BANK1: variants seen among roughly 807,000 people sequenced by gnomAD.
The protein encoded by BANK1 is B cell scaffold protein with ankyrin repeats 1.
BANK1 carries 95 observed loss-of-function variants against 94.5 expected under a neutral mutation model. That is an observed-to-expected ratio of 1.00 (90% CI 0.85 to 1.19). The LOEUF is 1.19. Among genes scored for constraint, BANK1 ranks in the 50% most tolerant of loss-of-function variants. The probability of loss-of-function intolerance (pLI) is 0.00; values close to 1 mark genes in which losing one functional copy is unlikely to be tolerated. For missense variants in BANK1, 987 were observed against 932.2 expected (o/e 1.06, Z -0.77); for synonymous variants, 334 against 308.4 (o/e 1.08, Z -0.87).
chr4:101,819,139 C>A (rs1400143342), intron 1 of BANK1, among the ~76,000 whole-genome samples: 1 of 151,966 alleles, frequency 6.6e-6, no homozygotes, highest in African/African-American at 2.4e-5. Flanking sequence ...TATAAATTCC[C>A]AAAAAATACC....
Position 101,829,886 on chromosome 4 carries a change from A to C in BANK1, c.149A>C (p.His50Pro), listed in dbSNP as rs746650837. The C allele has an allele frequency of 1.9e-6, 3 of 1,613,052 alleles. No homozygotes were observed. In the Admixed American group the frequency reaches 5.0e-5, roughly 27 times the overall value. The change falls in exon 2 of 17, where the codon CAT (histidine) becomes CCT (proline). Residue 50 changes from histidine to proline, a missense_variant. Physicochemically the swap from His to Pro is moderately conservative, Grantham distance 77 (BLOSUM62 -2). Transcript: ENST00000322953. ...CTGTACTTGACAGAAGTATTTTTAC[A>C]TGTTGTGAAAAGGGAAGCCATCCTG... The part of the protein sequence containing the change: ...WALYLTEVFL[H>P]VVKREAILLY...
At chr4:101,796,299 C>A (rs1470889324) in intron 1 of BANK1, among the ~76,000 whole-genome samples, 1 of 152,108 alleles carries the variant, frequency 6.6e-6, no homozygotes, top group Non-Finnish European at 1.5e-5. Context: ...TTTCTCCTTA[C>A]ATGAACTACT....
intron 7 of BANK1, among the ~76,000 whole-genome samples, chr4:102,017,096 T>C (rs1726728316): frequency 3.9e-5 from 6 of 152,224 alleles, no homozygotes; most frequent in Admixed American, 3.9e-4. Flanking sequence ...GTTTTAATAT[T>C]ATATCACTGT....
intron 3 of BANK1, among the ~76,000 whole-genome samples, chr4:101,855,529 G>A (rs986683481): frequency 6.6e-6 from 1 of 152,076 alleles, no homozygotes; most frequent in Non-Finnish European, 1.5e-5. Context: ...GAATTAATAG[G>A]CATTTGTTAC....
At chr4:102,007,119 A>ATT (rs1483958311) in intron 7 of BANK1, among the ~76,000 whole-genome samples, 1 of 39,684 alleles carries the variant, frequency 2.5e-5, no homozygotes, top group Non-Finnish European at 6.0e-5. Context: ...ATAAATATAT[A>ATT]TTTTATATAT....
intron 2 of BANK1, among the ~76,000 whole-genome samples, chr4:101,831,940 A>C (rs1185084103): frequency 6.6e-6 from 1 of 152,208 alleles, no homozygotes; most frequent in Non-Finnish European, 1.5e-5. Context: ...GATCCTCTGA[A>C]GCCTCCACTA....
chr4:101,886,359 G>A (rs969642429), intron 5 of BANK1, among the ~76,000 whole-genome samples: 3 of 152,166 alleles, frequency 2.0e-5, no homozygotes, highest in Non-Finnish European at 4.4e-5. Context: ...GGAAGGGCCA[G>A]AAAGGAAAGA....
At chr4:101,902,367 A>G (rs2148893849) in intron 6 of BANK1, among the ~76,000 whole-genome samples, 1 of 152,348 alleles carries the variant, frequency 6.6e-6, no homozygotes, top group Middle Eastern at 3.4e-3. Context: ...CTGTTTTTCT[A>G]AAAATGCTAT....
rs375338963 is a variant in BANK1, at chr4:101,791,044, G to GCACTGAGGCCAGGGCGT, written c.70+96_70+112dup. On this transcript the variant is annotated intron_variant, in intron 1 of 16. Coordinates refer to ENST00000322953, the MANE Select transcript of BANK1 (RefSeq NM_017935.5). ...GCCATCGTTAGACAACTGCACTCGG[G>GCACTGAGGCCAGGGCGT]CACTGAGGCCAGGGCGTCCCTGAGA... 1.6e-3 allele frequency: 1,682 copies of GCACTGAGGCCAGGGCGT among 1,031,464 alleles called. 17 individuals are homozygous for GCACTGAGGCCAGGGCGT. The African/African-American group carries it at 0.026, about 16-fold the overall frequency. 63.9% of individuals were successfully genotyped at this position (1,031,464 alleles called of 1,614,324 possible).
chr4:101,805,976 A>C (rs1033373482), intron 1 of BANK1, among the ~76,000 whole-genome samples: 1 of 152,064 alleles, frequency 6.6e-6, no homozygotes, highest in African/African-American at 2.4e-5. Flanking sequence ...TATTTAGTGA[A>C]CTATAATATC....
chr4:101,900,770 A>C (rs545428587), intron 6 of BANK1, among the ~76,000 whole-genome samples: 3 of 152,310 alleles, frequency 2.0e-5, no homozygotes, highest in African/African-American at 7.2e-5. Flanking sequence ...GGCTATGTTA[A>C]TTAAAAGATA....
In BANK1 at chr4:101,870,524, C is replaced by G. The variant is rs1240340640; in HGVS notation, c.783C>G (p.Val261=). 3 of 1,612,170 alleles carry G rather than the reference C, an allele frequency of 1.9e-6. No homozygotes were observed. In the Admixed American group the frequency reaches 5.0e-5, roughly 27 times the overall value. Residue 261 remains valine (V), a synonymous_variant, in exon 5 of 17, where the codon GTC becomes GTG. Coordinates refer to ENST00000322953, the MANE Select transcript of BANK1 (RefSeq NM_017935.5). ...MKALEFPAGS[V]HVNVYCDGIV... ...CATAAGAGTTTCCTGCTGGTTCAGT[C>G]CATGTCAATGTCTACTGTGATGGAA...
At position 102,004,192 on chromosome 4, in the gene BANK1, A is replaced by C. The variant is rs73834549; in HGVS notation, c.1207-17322A>C. On this transcript the variant is annotated intron_variant, in intron 7 of 16. Coordinates refer to ENST00000322953, the MANE Select transcript of BANK1 (RefSeq NM_017935.5). ...TATATACTGCTATATCCTTATTACC[A>C]AGAGCATTGCCTGGCACATAGTAGG... Among the ~76,000 whole-genome samples, 930 of 152,242 alleles carry C rather than the reference A, an allele frequency of 6.1e-3. 13 individuals carry two copies. The highest frequency in any genetic ancestry group is 0.055 in the East Asian group (285 of 5,178).
chr4:101,885,638 A>C (rs1195102028), intron 5 of BANK1, among the ~76,000 whole-genome samples: 1 of 152,216 alleles, frequency 6.6e-6, no homozygotes, highest in Non-Finnish European at 1.5e-5. Context: ...TTCTAATTTG[A>C]CATCTATGTG....
intron 3 of BANK1, among the ~76,000 whole-genome samples, chr4:101,862,016 A>G (rs1335385817): frequency 6.6e-6 from 1 of 152,098 alleles, no homozygotes; most frequent in Non-Finnish European, 1.5e-5. Context: ...AACTTCTACT[A>G]CATAAAATAT....
In BANK1 at chr4:101,969,946, A is replaced by G. The variant is rs540503553; in HGVS notation, c.1207-51568A>G. Among the ~76,000 whole-genome samples the G allele has an allele frequency of 2.0e-5, 3 of 152,230 alleles. No individual in the cohort carries two copies. In the East Asian group the frequency reaches 5.8e-4, roughly 29 times the overall value. ...TTCCTATAGGGAGTGTGTATTTAGG[A>G]CCCATTATTTGTACAGAATGGTTTT... On this transcript the variant is annotated intron_variant, in intron 7 of 16. Transcript: ENST00000322953.
chr4:101,961,414 A>G (rs1724567260), intron 7 of BANK1, among the ~76,000 whole-genome samples: 1 of 152,168 alleles, frequency 6.6e-6, no homozygotes, highest in Non-Finnish European at 1.5e-5. Flanking sequence ...ATGAAGGGCC[A>G]CTGGCACTAA....
intron 6 of BANK1, among the ~76,000 whole-genome samples, chr4:101,909,553 CA>C (rs930361178): frequency 4.6e-5 from 7 of 151,842 alleles, no homozygotes; most frequent in Admixed American, 4.6e-4. Flanking sequence ...CACACACACA[CA>C]AAAAAATGCC....
At chr4:101,948,252 C>T (rs867115474) in intron 7 of BANK1, among the ~76,000 whole-genome samples, 1 of 152,064 alleles carries the variant, frequency 6.6e-6, no homozygotes, top group Non-Finnish European at 1.5e-5. Flanking sequence ...TACCACCAGA[C>T]TGACACTCAA....
Sources: allele counts gnomAD v4.1 joint callset (sites outside exome capture counted in the v4.1 genomes callset), GRCh38; gene constraint gnomAD v4.1.1; transcripts MANE v1.5; gene names NCBI Gene and HGNC (gene_info 2026-07-23, HGNC 2026-07-21).